Variants in ITPR2 observed in about 807,000 individuals in gnomAD.
ITPR2 encodes inositol 1,4,5-trisphosphate receptor type 2, also known as inositol 1,4,5-trisphosphate-gated calcium channel ITPR2.
Under a neutral mutation model 317.1 loss-of-function variants are expected in ITPR2, and 207 were observed. That is an observed-to-expected ratio of 0.65 (90% CI 0.58 to 0.73). The LOEUF (loss-of-function observed/expected upper bound fraction) is 0.73, where lower values mean the gene tolerates loss of function less well. Among genes scored for constraint, ITPR2 ranks in the 30% least tolerant of loss-of-function variants. The pLI is 0.00. For missense variants in ITPR2, 2,613 were observed against 3,284.0 expected, an observed-to-expected ratio of 0.80 and a Z score of 4.99; for synonymous variants, 1,156 against 1,149.1, an observed-to-expected ratio of 1.01 and a Z score of -0.12.
intron 2 of ITPR2, among the ~76,000 whole-genome samples, chr12:26,762,699 C>T (rs962918048): frequency 1.3e-4 from 19 of 151,938 alleles, no homozygotes; most frequent in Middle Eastern, 3.2e-3. Context: ...ATGGATAAAT[C>T]GCTTTTAATT....
At chr12:26,496,923 G>A (rs143914327) in intron 37 of ITPR2, among the ~76,000 whole-genome samples, 3,441 of 142,270 alleles carry the variant, frequency 0.024, 62 homozygotes, top group Middle Eastern at 0.065. Flanking sequence ...CAGCCTGGGC[G>A]ACAGAGCGAG....
At chr12:26,552,839 A>T (rs1944561911) in intron 36 of ITPR2, among the ~76,000 whole-genome samples, 1 of 152,204 alleles carries the variant, frequency 6.6e-6, no homozygotes, top group Admixed American at 6.5e-5. Context: ...TCTCAGGCTA[A>T]GTATTTCCAT....
chr12:26,591,600 T>C (rs912722882), intron 32 of ITPR2, among the ~76,000 whole-genome samples: 1 of 151,772 alleles, frequency 6.6e-6, no homozygotes, highest in Non-Finnish European at 1.5e-5. Context: ...GAGGCCGAGA[T>C]GGGTGGATCA....
At chr12:26,565,714 G>T (rs932284100) in intron 34 of ITPR2, among the ~76,000 whole-genome samples, 1 of 151,396 alleles carries the variant, frequency 6.6e-6, no homozygotes, top group Non-Finnish European at 1.5e-5. Context: ...GAGTCAGGTG[G>T]ATCACTTGAG....
intron 39 of ITPR2, among the ~76,000 whole-genome samples, chr12:26,489,140 T>C (rs1034867210): frequency 6.6e-6 from 1 of 152,238 alleles, no homozygotes; most frequent in Non-Finnish European, 1.5e-5. Flanking sequence ...GTTTCATATA[T>C]ATTTATATAA....
chr12:26,653,648 A>G (rs1052174956), intron 21 of ITPR2, among the ~76,000 whole-genome samples: 2 of 152,228 alleles, frequency 1.3e-5, no homozygotes, highest in African/African-American at 4.8e-5. Flanking sequence ...AGGCTGAGGC[A>G]GGAGAATTGC....
intron 5 of ITPR2, chr12:26,721,223 C>T: frequency 2.2e-6 from 1 of 451,734 alleles, no homozygotes; most frequent in Non-Finnish European, 4.0e-6. Flanking sequence ...TTTAAGAAAT[C>T]CAACCAACAC....
intron 10 of ITPR2, among the ~76,000 whole-genome samples, chr12:26,693,404 A>T (rs1208178063): frequency 2.0e-5 from 3 of 152,072 alleles, no homozygotes; most frequent in Admixed American, 2.0e-4. Flanking sequence ...GTTCCATAGA[A>T]CCTCCATACC....
At chr12:26,680,174 A>G (rs1948002254) in intron 13 of ITPR2, among the ~76,000 whole-genome samples, 1 of 152,124 alleles carries the variant, frequency 6.6e-6, no homozygotes, top group Non-Finnish European at 1.5e-5. Context: ...AGAGATTGTT[A>G]AATCACCAAA....
intron 36 of ITPR2, among the ~76,000 whole-genome samples, chr12:26,555,639 C>A (rs1406528620): frequency 6.6e-6 from 1 of 152,284 alleles, no homozygotes; most frequent in Admixed American, 6.5e-5. Context: ...TGCAATACCA[C>A]AAACGCTAAG....
chr12:26,718,993 A>G (rs1054540777), intron 5 of ITPR2, among the ~76,000 whole-genome samples: 8 of 152,204 alleles, frequency 5.3e-5, no homozygotes, highest in Admixed American at 4.6e-4. Flanking sequence ...TCATTAAAAA[A>G]TGGTATTCAT....
intron 15 of ITPR2, 122 bp downstream of exon 15, chr12:26,663,561 CAT>C (rs1307222957): frequency 1.1e-6 from 1 of 934,884 alleles, no homozygotes; most frequent in Non-Finnish European, 1.6e-6. Context: ...TATTGCCCAA[CAT>C]AAAATATTTC....
intron 45 of ITPR2, among the ~76,000 whole-genome samples, chr12:26,456,751 C>T (rs149069395): frequency 6.6e-6 from 1 of 152,138 alleles, no homozygotes; most frequent in South Asian, 2.1e-4. Flanking sequence ...CCGCTCACTG[C>T]AACCTCCACC....
At chr12:26,574,898 A>G (rs1471689750) in intron 34 of ITPR2, among the ~76,000 whole-genome samples, 1 of 151,878 alleles carries the variant, frequency 6.6e-6, no homozygotes, top group African/African-American at 2.4e-5. Context: ...ATGGTGCTAG[A>G]CCATTCATGA....
intron 2 of ITPR2, among the ~76,000 whole-genome samples, chr12:26,743,747 T>C (rs570824877): frequency 4.3e-4 from 65 of 152,146 alleles, no homozygotes; most frequent in African/African-American, 1.5e-3. Flanking sequence ...CAAAATTAGC[T>C]GGGCATGGTG....
At chr12:26,676,409 G>A (rs867174981) in intron 13 of ITPR2, among the ~76,000 whole-genome samples, 2 of 151,372 alleles carry the variant, frequency 1.3e-5, no homozygotes, top group Non-Finnish European at 1.5e-5. Context: ...CCTGCGAGGC[G>A]GAGGTTGCAG....
intron 19 of ITPR2, 140 bp from the exon 20 acceptor site, chr12:26,655,992 T>G: frequency 1.2e-6 from 1 of 826,314 alleles, no homozygotes; most frequent in Non-Finnish European, 1.9e-6. Context: ...ATCTGTAAAA[T>G]GGGGCTATTG....
intron 13 of ITPR2, among the ~76,000 whole-genome samples, chr12:26,677,716 GAC>G (rs1459550959): frequency 6.6e-6 from 1 of 152,114 alleles, no homozygotes; most frequent in Non-Finnish European, 1.5e-5. Flanking sequence ...GCTCATAAGA[GAC>G]ACAACTAAAA....
In ITPR2 at chr12:26,336,710, A is replaced by G. The variant is rs2136532552; in HGVS notation, c.*2687T>C. ...CAGAAACTGATACTTTTGAACCAAT[A>G]TGAATTTGAAATAACTAAATATTTT... On this transcript the variant is annotated 3_prime_UTR_variant, in exon 57 of 57. Coordinates refer to ENST00000381340, the MANE Select transcript of ITPR2 (RefSeq NM_002223.4). 1 of 152,306 alleles carries G rather than the reference A, an allele frequency of 6.6e-6. No homozygotes were observed. Among genetic ancestry groups the G allele is most frequent in the South Asian group, 2.1e-4 (1 of 4,826 alleles). 9.4% of individuals were successfully genotyped at this position (152,306 alleles called of 1,614,324 possible). A position where few individuals can be genotyped will look rare whatever the true frequency, so the allele number is the denominator to read the frequency against.
Sources: allele counts gnomAD v4.1 joint callset (sites outside exome capture counted in the v4.1 genomes callset), GRCh38; gene constraint gnomAD v4.1.1; transcripts MANE v1.5; gene names NCBI Gene and HGNC (gene_info 2026-07-23, HGNC 2026-07-21).